The following ZNF790 variants were observed in gnomAD, a reference collection of about 807,000 sequenced individuals.
ZNF790 encodes the protein zinc finger protein 790.
Under a neutral mutation model 12.1 loss-of-function variants are expected in ZNF790, and 8 were observed. The ratio of observed to expected loss-of-function variants is 0.66; its 90% CI spans 0.39 to 1.19. The LOEUF (loss-of-function observed/expected upper bound fraction) is 1.19, where lower values mean the gene tolerates loss of function less well. ZNF790 is among the 50% of genes most tolerant of loss of function. The pLI is 0.01. For missense variants in ZNF790, 707 were observed against 752.2 expected, an observed-to-expected ratio of 0.94 and a Z score of 0.70; for synonymous variants, 252 against 244.3, an observed-to-expected ratio of 1.03 and a Z score of -0.29.
chr19:36,819,868 A>T lies in ZNF790; in HGVS notation c.476T>A (p.Leu159Gln), dbSNP rs762264665. The T allele has an allele frequency of 1.2e-6, 2 of 1,614,194 alleles. No homozygotes were observed. Among genetic ancestry groups the T allele is most frequent in the Admixed American group, 3.3e-5 (2 of 60,026 alleles). ...PTFNQHTVFN[L>Q]HQRLNTGDKL... ...GTCTCCTGTATTAAGTCTCTGGTGT[A>T]GATTAAACACTGTATGCTGGTTAAA... Residue 159 changes from leucine (L) to glutamine (Q), a missense_variant, in exon 5 of 5, where the codon CTA becomes CAA. Physicochemically the swap from Leu to Gln is moderately radical, Grantham distance 113. Transcript: ENST00000356725.
chr19:36,836,457 A>C (rs1215812352), intron 1 of ZNF790, among the ~76,000 whole-genome samples: 1 of 151,866 alleles, frequency 6.6e-6, no homozygotes, highest in Non-Finnish European at 1.5e-5. Context: ...AAGCCTAAAA[A>C]AAAAACACAC....
intron 1 of ZNF790, among the ~76,000 whole-genome samples, chr19:36,831,540 C>G (rs1208150230): frequency 6.6e-6 from 1 of 152,166 alleles, no homozygotes; most frequent in Non-Finnish European, 1.5e-5. Flanking sequence ...CTGGGCAACA[C>G]AGTGAGACCC....
intron 1 of ZNF790, among the ~76,000 whole-genome samples, chr19:36,826,590 A>G (rs2071805367): frequency 7.1e-6 from 1 of 141,154 alleles, no homozygotes; most frequent in South Asian, 2.2e-4. Flanking sequence ...TCAAAAAAAA[A>G]AAATTATATA....
rs1491481871 is a variant in ZNF790, at chr19:36,838,102, G to GCACACACA, written c.-74+234_-74+235insTGTGTGTG. On this transcript the variant is annotated intron_variant, in intron 1 of 4. Transcript: ENST00000356725. The surrounding 1 kb of genome is among the most constrained non-coding windows in gnomAD (Gnocchi z 4.4). ...GCGCCTGTCAACGTCGTGTGCGCGT[G>GCACACACA]CGCGCACACACACACACACACACAC... 8.1e-5 allele frequency: 2 copies of GCACACACA among 24,766 alleles called. No individual in the cohort carries two copies. The highest frequency in any genetic ancestry group is 6.3e-4 in the African/African-American group (2 of 3,154). The allele number at this position is 24,766 out of a possible 1,614,324, so 1.5% of individuals were successfully genotyped here. A position where few individuals can be genotyped will look rare whatever the true frequency, so the allele number is the denominator to read the frequency against.
chr19:36,842,895 C>T (rs1443138856), upstream of ZNF790, among the ~76,000 whole-genome samples: 2 of 150,932 alleles, frequency 1.3e-5, no homozygotes, highest in African/African-American at 2.4e-5. Context: ...ATCCCAGCTA[C>T]TCAGGAGGCT....
upstream of ZNF790, among the ~76,000 whole-genome samples, chr19:36,838,762 C>T (rs2072101452): frequency 1.3e-5 from 2 of 152,318 alleles, no homozygotes; most frequent in East Asian, 1.9e-4. This position sits in a 1 kb window ranked among gnomAD's most constrained non-coding sequence, Gnocchi z 4.4. Context: ...GCAGAAATGC[C>T]CCGGGGGGAT....
At chr19:36,847,521 G>A (rs534842550) in intron 1 of ZNF790, among the ~76,000 whole-genome samples, 12 of 151,880 alleles carry the variant, frequency 7.9e-5, no homozygotes, top group African/African-American at 2.7e-4. Flanking sequence ...AGGCCGAGGC[G>A]GGTGGATCAC....
intron 4 of ZNF790, among the ~76,000 whole-genome samples, chr19:36,820,826 A>G (rs983064365): frequency 2.7e-5 from 4 of 150,328 alleles, no homozygotes; most frequent in South Asian, 4.2e-4. Context: ...AGCCTAGGAG[A>G]TGAGGCTGCA....
At chr19:36,835,745 T>C (rs917456047) in intron 1 of ZNF790, among the ~76,000 whole-genome samples, 1 of 151,732 alleles carries the variant, frequency 6.6e-6, no homozygotes, top group Non-Finnish European at 1.5e-5. Context: ...CGTTTTCTTA[T>C]GTTTTCCAGC....
chr19:36,836,050 C>T (rs1234256614), intron 1 of ZNF790, among the ~76,000 whole-genome samples: 2 of 152,040 alleles, frequency 1.3e-5, no homozygotes. Context: ...GGCCATCATT[C>T]TGCCTACCTT....
At chr19:36,844,310 CA>C (rs2072156788) in intron 1 of ZNF790, among the ~76,000 whole-genome samples, 1 of 137,678 alleles carries the variant, frequency 7.3e-6, no homozygotes, top group African/African-American at 2.7e-5. Context: ...GACCCTGTCT[CA>C]AAAACAAAAC....
At chr19:36,847,179 C>A (rs1295333110) in intron 1 of ZNF790, among the ~76,000 whole-genome samples, 2 of 152,022 alleles carry the variant, frequency 1.3e-5, no homozygotes, top group South Asian at 2.1e-4. Flanking sequence ...CATGGTGAAA[C>A]CCTGTCTTTA....
intron 1 of ZNF790, among the ~76,000 whole-genome samples, chr19:36,845,970 G>A (rs988037067): frequency 1.3e-5 from 2 of 151,888 alleles, no homozygotes; most frequent in African/African-American, 2.4e-5. Context: ...CACCACACTT[G>A]GCTAATTTTT....
At chr19:36,837,298 C>T (rs1220109896) in intron 1 of ZNF790, among the ~76,000 whole-genome samples, 1 of 152,174 alleles carries the variant, frequency 6.6e-6, no homozygotes, top group Non-Finnish European at 1.5e-5. Flanking sequence ...TCCTTGAACA[C>T]GCCCTAACAT....
chr19:36,834,696 C>G (rs2072008491), intron 1 of ZNF790, among the ~76,000 whole-genome samples: 1 of 152,180 alleles, frequency 6.6e-6, no homozygotes, highest in Admixed American at 6.6e-5. Context: ...ACCAATTCCT[C>G]TCCTTGGAAT....
At chr19:36,836,744 A>G (rs1726717) in intron 1 of ZNF790, among the ~76,000 whole-genome samples, 53,397 of 151,950 alleles carry the variant, frequency 0.35, 10,483 homozygotes, top group African/African-American at 0.53. Context: ...GTGACAGAAC[A>G]AGACTCTGTC....
chr19:36,837,779 A>G (rs771628581), intron 1 of ZNF790: 1 of 151,436 alleles, frequency 6.6e-6, no homozygotes, highest in African/African-American at 2.4e-5. Context: ...CTGCTGCTCC[A>G]TTTCTCTGCT....
At position 36,818,627 on chromosome 19, in the gene ZNF790, G is replaced by A; in HGVS notation, c.1717C>T (p.His573Tyr). The A allele has an allele frequency of 6.2e-7, 1 of 1,610,818 alleles. No homozygotes were observed. Among genetic ancestry groups the A allele is most frequent in the Non-Finnish European group, 8.5e-7 (1 of 1,178,428 alleles). The change falls in exon 5 of 5, where the codon CAC (histidine) becomes TAC (tyrosine). Residue 573 changes from histidine (H) to tyrosine (Y), a missense_variant. Coordinates refer to ENST00000356725, the MANE Select transcript of ZNF790 (RefSeq NM_206894.4). ...TTTTGTTCAGTAAAATATGAATGGTGACTAAAGATGTGGCTACTTTTCTTG... is the reference window on the plus strand; with the variant it reads ...TTTTGTTCAGTAAAATATGAATGGTAACTAAAGATGTGGCTACTTTTCTTG... ...GCKKSSHIFS[H>Y]HSYFTEQKIH... is the part of the protein sequence containing the mutation.
chr19:36,835,651 T>C (rs2072030558), intron 1 of ZNF790, among the ~76,000 whole-genome samples: 1 of 152,124 alleles, frequency 6.6e-6, no homozygotes, highest in Non-Finnish European at 1.5e-5. Flanking sequence ...TATAGTTCAG[T>C]AGAAGTCTGA....
Sources: gnomAD v4.1 joint callset for allele counts (sites outside exome capture counted in the v4.1 genomes callset) on GRCh38, gnomAD v4.1.1 for gene constraint, Gnocchi (gnomAD v3.1) non-coding constraint, MANE v1.5 for transcripts, NCBI Gene and HGNC (gene_info 2026-07-23, HGNC 2026-07-21) for gene names.